The following RFX3 variants were observed in gnomAD, a reference collection of about 807,000 sequenced individuals.
RFX3 encodes the protein transcription factor RFX3.
Under a neutral mutation model 98.6 loss-of-function variants are expected in RFX3, and 14 were observed. The ratio of observed to expected loss-of-function variants is 0.14; its 90% CI spans 0.09 to 0.22. RFX3 has a LOEUF of 0.22. Among genes scored for constraint, RFX3 ranks in the 10% least tolerant of loss-of-function variants. RFX3 has a pLI of 1.00. For synonymous variants in RFX3, 383 were observed against 328.4 expected (o/e 1.17, Z -1.80); for missense variants, 639 against 926.9 (o/e 0.69, Z 4.03).
chr9:3,394,379 T>C (rs199841667), intron 2 of RFX3, among the ~76,000 whole-genome samples: 30 of 152,112 alleles, frequency 2.0e-4, no homozygotes, highest in Admixed American at 1.5e-3. Context: ...AGGAGAATGG[T>C]GTGAACCCGG....
At chr9:3,361,723 G>A (rs1587313554) in intron 2 of RFX3, among the ~76,000 whole-genome samples, 1 of 151,562 alleles carries the variant, frequency 6.6e-6, no homozygotes, top group Admixed American at 6.6e-5. Context: ...CAAGATGGGT[G>A]GATTACTGGA....
rs1429421705 is a variant in RFX3 at position 3,343,541 on chromosome 9, A to G, written c.215+3126T>C. On this transcript the variant is annotated intron_variant, in intron 3 of 16. Transcript: ENST00000617270. ...AAAATTATAATAGTCAAATGTCAGC[A>G]CTACAAAATTACAGAAAGACCAAAA... 2.0e-5 allele frequency among the ~76,000 whole-genome samples: 3 copies of G among 152,378 alleles called. No homozygotes were observed. In the Middle Eastern group the frequency reaches 0.01, roughly 518 times the overall value.
At chr9:3,376,678 T>A (rs992776553) in intron 2 of RFX3, among the ~76,000 whole-genome samples, 1 of 151,988 alleles carries the variant, frequency 6.6e-6, no homozygotes, top group Non-Finnish European at 1.5e-5. Context: ...GGGAGAAAAT[T>A]TTTGCAATCT....
intron 2 of RFX3, among the ~76,000 whole-genome samples, chr9:3,393,031 A>G (rs966968396): frequency 5.8e-5 from 6 of 103,926 alleles, no homozygotes; most frequent in Admixed American, 1.4e-4. Context: ...TCTGTCAAGA[A>G]CATAAGGGAC....
chr9:3,470,097 A>G (rs1848642093), intron 1 of RFX3, among the ~76,000 whole-genome samples: 1 of 152,168 alleles, frequency 6.6e-6, no homozygotes, highest in Non-Finnish European at 1.5e-5. Flanking sequence ...TGATATGTAA[A>G]AATGAAGAGC....
intron 4 of RFX3, among the ~76,000 whole-genome samples, chr9:3,313,234 G>C (rs1281127501): frequency 1.3e-5 from 2 of 152,172 alleles, no homozygotes. Context: ...AGACTCCACT[G>C]GTGATACCCA....
chr9:3,301,777 C>G (rs1373517737), intron 4 of RFX3, among the ~76,000 whole-genome samples, 157 bp from the exon 5 acceptor site: 1 of 151,794 alleles, frequency 6.6e-6, no homozygotes, highest in Non-Finnish European at 1.5e-5. Context: ...TCTTCCCCAC[C>G]CTCCAGAGAA....
intron 1 of RFX3, among the ~76,000 whole-genome samples, chr9:3,431,024 T>C (rs1587653986): frequency 6.6e-6 from 1 of 152,214 alleles, no homozygotes; most frequent in South Asian, 2.1e-4. Flanking sequence ...AATGTAAAGA[T>C]GCCGTATTAA....
intron 15 of RFX3, among the ~76,000 whole-genome samples, chr9:3,232,260 C>A (rs1818570347): frequency 6.6e-6 from 1 of 152,178 alleles, no homozygotes; most frequent in South Asian, 2.1e-4. Flanking sequence ...TGACATCTTA[C>A]CACTTATAAG....
intron 1 of RFX3, among the ~76,000 whole-genome samples, chr9:3,437,090 A>G (rs1845196207): frequency 6.6e-6 from 1 of 152,128 alleles, no homozygotes; most frequent in Admixed American, 6.6e-5. Flanking sequence ...TGTCAAAAAC[A>G]TTCTTGCTGT....
intron 1 of RFX3, among the ~76,000 whole-genome samples, chr9:3,499,378 A>G (rs940912542): frequency 3.3e-5 from 5 of 152,048 alleles, no homozygotes; most frequent in African/African-American, 1.2e-4. Flanking sequence ...GAAGTTCAAC[A>G]TTTCATTATA....
intron 1 of RFX3, among the ~76,000 whole-genome samples, chr9:3,504,969 T>C (rs1258887179): frequency 1.3e-5 from 1 of 79,408 alleles, no homozygotes; most frequent in Non-Finnish European, 2.2e-5. Flanking sequence ...ATATATAATA[T>C]ATATTATATA....
At chr9:3,424,612 G>C (rs200673363) in intron 1 of RFX3, among the ~76,000 whole-genome samples, 1 of 151,320 alleles carries the variant, frequency 6.6e-6, no homozygotes. Context: ...CGCCCGCCTC[G>C]GCCTCCCAAA....
intron 2 of RFX3, among the ~76,000 whole-genome samples, chr9:3,366,732 T>TTCTTTCTTTCTTTCTTTC (rs1563994526): frequency 1.3e-5 from 2 of 149,262 alleles, no homozygotes; most frequent in African/African-American, 5.0e-5. Context: ...CTTTCTTTCT[T>TTCTTTCTTTCTTTCTTTC]TCTTTCTTTC....
chr9:3,234,467 C>T (rs141813748), intron 15 of RFX3, among the ~76,000 whole-genome samples: 1 of 152,238 alleles, frequency 6.6e-6, no homozygotes, highest in African/African-American at 2.4e-5. Flanking sequence ...GGCAAAACCC[C>T]ATCTCTACAA....
At chr9:3,457,702 T>G (rs1206708452) in intron 1 of RFX3, among the ~76,000 whole-genome samples, 1 of 152,188 alleles carries the variant, frequency 6.6e-6, no homozygotes, top group Admixed American at 6.5e-5. Context: ...GTCCCAACCT[T>G]TTCTTACTTA....
chr9:3,298,153 C>G (rs1475763101), intron 5 of RFX3, among the ~76,000 whole-genome samples: 2 of 151,414 alleles, frequency 1.3e-5, no homozygotes, highest in East Asian at 1.9e-4. Context: ...ATCTAAAGTA[C>G]CATTCTAAAA....
intron 2 of RFX3, among the ~76,000 whole-genome samples, chr9:3,366,718 CTTT>C (rs1563994343): frequency 2.2e-5 from 2 of 90,456 alleles, no homozygotes; most frequent in African/African-American, 8.7e-5. Flanking sequence ...TTCTTTCTTT[CTTT>C]CTTTCTTTCT....
At chr9:3,425,589 CGATTA>C (rs1843940426) in intron 1 of RFX3, among the ~76,000 whole-genome samples, 1 of 152,130 alleles carries the variant, frequency 6.6e-6, no homozygotes, top group Non-Finnish European at 1.5e-5. Flanking sequence ...CCTGAAATAA[CGATTA>C]GATATTTCAG....
Sources: allele counts gnomAD v4.1 joint callset (sites outside exome capture counted in the v4.1 genomes callset), GRCh38; gene constraint gnomAD v4.1.1; transcripts MANE v1.5; gene names NCBI Gene and HGNC (gene_info 2026-07-23, HGNC 2026-07-21).